SUPT6H: variants seen among roughly 807,000 people sequenced by gnomAD.
The protein encoded by SUPT6H is SPT6 homolog, histone chaperone and transcription elongation factor.
SUPT6H carries 11 observed loss-of-function variants against 222.3 expected under a neutral mutation model. The observed-to-expected ratio is 0.05, with a 90% CI of 0.03 to 0.08. SUPT6H has a LOEUF of 0.08. Ranked by LOEUF, SUPT6H falls within the 10% of genes least tolerant of loss-of-function variation. The pLI, the probability that SUPT6H is intolerant of heterozygous loss-of-function variation, is 1.00. For missense variants in SUPT6H, 1,422 were observed against 2,216.0 expected (o/e 0.64, Z 7.19); for synonymous variants, 762 against 801.2 (o/e 0.95, Z 0.83).
Position 28,678,239 on chromosome 17 carries a change from G to A in SUPT6H, c.1116+47G>A, listed in dbSNP as rs376060159. 2.4e-5 allele frequency: 37 copies of A among 1,521,340 alleles called. No individual in the cohort carries two copies. In the African/African-American group the frequency reaches 4.2e-4, roughly 17 times the overall value. 94.2% of individuals were successfully genotyped at this position (1,521,340 alleles called of 1,614,324 possible). A position where few individuals can be genotyped will look rare whatever the true frequency, so the allele number is the denominator to read the frequency against. On this transcript the variant is annotated intron_variant, in intron 9 of 36. Coordinates refer to ENST00000314616, the MANE Select transcript of SUPT6H (RefSeq NM_003170.5). ...GCCCATTGGTGAGAAATTTAGTTAG[G>A]GGATGAGGGAAAAGATAATTACCTA...
intron 1 of SUPT6H, among the ~76,000 whole-genome samples, chr17:28,663,828 A>AGTTTTTTTTTTTTTTTTTT (rs2072113255): frequency 2.6e-5 from 1 of 38,374 alleles, no homozygotes; most frequent in Non-Finnish European, 4.7e-5. Flanking sequence ...TGCCCACTCC[A>AGTTTTTTTTTTTTTTTTTT]TTTTTTTTTT....
chr17:28,687,343 T>G lies in SUPT6H; in HGVS notation c.2878T>G (p.Cys960Gly), dbSNP rs367793749. Residue 960 changes from cysteine to glycine, a missense_variant, in exon 23 of 37, where the codon TGT becomes GGT. By Grantham distance (159) the Cys-to-Gly change is radical (BLOSUM62 -3). Transcript: ENST00000314616. The part of the protein sequence containing the change: ...VKEELLNALY[C>G]EFINRVNEVG... ...AGAGGAGCTGCTCAACGCCTTGTAC[T>G]GTGAATTTATCAACCGAGTCAATGA... 10 of 1,614,172 alleles carry G rather than the reference T, an allele frequency of 6.2e-6. No homozygotes were observed. In the South Asian group the frequency reaches 6.6e-5, roughly 11 times the overall value.
rs371197205 is a variant in SUPT6H, at chr17:28,666,858, A to C, written c.-32+4516A>C. On this transcript the variant is annotated intron_variant, in intron 1 of 36. Transcript: ENST00000314616. ...AGGCGTGAGCCACCGCGCCCAGCCG[A>C]ATAAATAATATTTTTAAATGAACAA... Among the ~76,000 whole-genome samples, 10 of 152,340 alleles carry C rather than the reference A, an allele frequency of 6.6e-5. No individual in the cohort carries two copies. In the East Asian group the frequency reaches 1.2e-3, roughly 18 times the overall value.
intron 12 of SUPT6H, among the ~76,000 whole-genome samples, 171 bp downstream of exon 12, chr17:28,681,575 G>A (rs1357958948): frequency 6.6e-6 from 1 of 152,138 alleles, no homozygotes; most frequent in Non-Finnish European, 1.5e-5. Context: ...TACAAAAGTA[G>A]CCAGGGTAGG....
rs1395480608 is a variant in SUPT6H at position 28,690,239 on chromosome 17, G to A, written c.3490+10G>A. ...GAGACCTTCTACATTGGTAAATTCT[G>A]GGGTCATTTTTTTATTGGGGGCAGG... is the stretch of plus-strand genomic sequence containing the variant. On this transcript the variant is annotated intron_variant, in intron 26 of 36. Coordinates refer to ENST00000314616, the MANE Select transcript of SUPT6H (RefSeq NM_003170.5). 6.2e-7 allele frequency: 1 copy of A among 1,612,806 alleles called. No homozygotes were observed.
Position 28,676,434 on chromosome 17 carries a change from A to G in SUPT6H, c.897+4A>G. 1 of 1,613,600 alleles carries G rather than the reference A, an allele frequency of 6.2e-7. No homozygotes were observed. The highest frequency in any genetic ancestry group is 8.5e-7 in the Non-Finnish European group (1 of 1,180,004). ...TGACCTGCCTGAGAGGTTCCAGGTAAAAAACCACCAGCCTCTGCTCTTCTA... is the reference window on the plus strand; with the variant it reads ...TGACCTGCCTGAGAGGTTCCAGGTAGAAAACCACCAGCCTCTGCTCTTCTA... On this transcript the variant is annotated splice_donor_region_variant and intron_variant, in intron 7 of 36. Transcript: ENST00000314616.
At chr17:28,691,303 T>A in intron 27 of SUPT6H, 1 of 448,334 alleles carries the variant, frequency 2.2e-6, no homozygotes, top group Non-Finnish European at 4.0e-6. Flanking sequence ...AGGTGGGCGG[T>A]TCATCTGAGA....
intron 30 of SUPT6H, 101 bp downstream of exon 30, chr17:28,697,183 T>C: frequency 1.0e-6 from 1 of 979,966 alleles, no homozygotes; most frequent in Non-Finnish European, 1.6e-6. Context: ...GTCATAGGTA[T>C]TTTAGCTGTG....
At chr17:28,671,304 A>G (rs1174968101) in intron 1 of SUPT6H, 5 of 152,240 alleles carry the variant, frequency 3.3e-5, no homozygotes, top group Admixed American at 2.6e-4. Context: ...AATGTGTTGC[A>G]GCACACCTGA....
At chr17:28,662,833 T>A (rs2072083617) in intron 1 of SUPT6H, among the ~76,000 whole-genome samples, 1 of 152,236 alleles carries the variant, frequency 6.6e-6, no homozygotes, top group Non-Finnish European at 1.5e-5. Context: ...GCATCCTTCA[T>A]CCCTTTCTAA....
At chr17:28,699,431 C>T (rs907467050) in intron 32 of SUPT6H, among the ~76,000 whole-genome samples, 2 of 152,148 alleles carry the variant, frequency 1.3e-5, no homozygotes, top group African/African-American at 4.8e-5. Flanking sequence ...AGGGGAGTTG[C>T]GATTTGCTGC....
rs781755781 is a variant in SUPT6H, at chr17:28,700,327, C to G, written c.4640-19C>G. ...CTTTCACCTCTAACATGCCCCTCCC[C>G]ACCTCTGTGTGCTTACAGATCTGAC... On this transcript the variant is annotated intron_variant, in intron 34 of 36. Coordinates refer to ENST00000314616, the MANE Select transcript of SUPT6H (RefSeq NM_003170.5). 2 of 1,614,012 alleles carry G rather than the reference C, an allele frequency of 1.2e-6. No homozygotes were observed. The highest frequency in any genetic ancestry group is 3.3e-5 in the Admixed American group (2 of 60,022).
intron 11 of SUPT6H, 92 bp from the exon 12 acceptor site, chr17:28,681,163 AT>A: frequency 7.1e-7 from 1 of 1,408,136 alleles, no homozygotes; most frequent in Non-Finnish European, 9.9e-7. Context: ...TTTAGTTGGG[AT>A]ACTGCCTTTT....
At position 28,689,617 on chromosome 17, in the gene SUPT6H, G is replaced by A. The variant is rs994047464; in HGVS notation, c.3342+56G>A. ...GAACCCATCCCAAGTGGCCAGGTTG[G>A]TAGGAGACTTGGGCAGTGAGTGTGC... On this transcript the variant is annotated intron_variant, in intron 25 of 36. Transcript: ENST00000314616. 9 of 1,556,940 alleles carry A rather than the reference G, an allele frequency of 5.8e-6. No homozygotes were observed. The South Asian group carries it at 8.9e-5, about 15-fold the overall frequency.
In SUPT6H at chr17:28,684,471, T is replaced by TAAGA. The variant is rs1483669420; in HGVS notation, c.2230-114_2230-111dup. 3.8e-6 allele frequency: 5 copies of TAAGA among 1,301,522 alleles called. No homozygotes were observed. The Admixed American group carries it at 1.0e-4, about 27-fold the overall frequency. 80.6% of individuals were successfully genotyped at this position (1,301,522 alleles called of 1,614,324 possible). A position where few individuals can be genotyped will look rare whatever the true frequency, so the allele number is the denominator to read the frequency against. ...GCCAATGGCTAGGAACATCTGCACA[T>TAAGA]AAGAGTACACACCCTCGCACATGTG... is the stretch of plus-strand genomic sequence containing the variant. On this transcript the variant is annotated intron_variant, in intron 17 of 36. Transcript: ENST00000314616.
chr17:28,686,485 A>G (rs898876931), intron 20 of SUPT6H, 70 bp downstream of exon 20: 3 of 1,573,580 alleles, frequency 1.9e-6, no homozygotes, highest in Non-Finnish European at 2.6e-6. Flanking sequence ...TGAGTCTGGC[A>G]TATGCCCATA....
intron 10 of SUPT6H, 80 bp downstream of exon 10, chr17:28,678,714 C>T (rs1248440632): frequency 1.9e-6 from 3 of 1,611,038 alleles, no homozygotes; most frequent in Non-Finnish European, 2.5e-6. Flanking sequence ...ACCCAAACCC[C>T]CCAGGCCTGT....
rs763862420 is a variant in SUPT6H, at chr17:28,678,859, G to A, written c.1245G>A (p.Arg415=). The A allele has an allele frequency of 6.2e-7, 1 of 1,614,186 alleles. No individual in the cohort carries two copies. The highest frequency in any genetic ancestry group is 2.2e-5 in the East Asian group (1 of 44,890). ...QLRIRKENLT[R]LFEKMQAYQY... is the part of the protein sequence containing the mutation. ...GGATCCGTAAAGAGAACCTAACACGGCTGTTTGAGAAGATGCAGGCTTATC... is the reference window on the plus strand; with the variant it reads ...GGATCCGTAAAGAGAACCTAACACGACTGTTTGAGAAGATGCAGGCTTATC... The change falls in exon 11 of 37, where the codon CGG becomes CGA. Residue 415 remains arginine, a synonymous_variant. Transcript: ENST00000314616.
chr17:28,668,401 A>G (rs139535357), intron 1 of SUPT6H, among the ~76,000 whole-genome samples: 2 of 152,300 alleles, frequency 1.3e-5, no homozygotes, highest in Non-Finnish European at 2.9e-5. Flanking sequence ...CAGTCTGCAC[A>G]TCTAGCTCCT....
Sources: gnomAD v4.1 joint callset for allele counts (sites outside exome capture counted in the v4.1 genomes callset) on GRCh38, gnomAD v4.1.1 for gene constraint, MANE v1.5 for transcripts, NCBI Gene and HGNC (gene_info 2026-07-23, HGNC 2026-07-21) for gene names.